Variants in COMMD10 observed in about 807,000 individuals in gnomAD.
COMMD10 encodes COMM domain-containing protein 10.
Under a neutral mutation model 28.9 loss-of-function variants are expected in COMMD10, and 33 were observed. The observed-to-expected ratio is 1.14, with a 90% CI of 0.87 to 1.53. The LOEUF (loss-of-function observed/expected upper bound fraction) is 1.53. COMMD10 is among the 40% of genes most tolerant of loss of function. The pLI is 0.00. For missense variants in COMMD10, 310 were observed against 233.4 expected, an observed-to-expected ratio of 1.33 and a Z score of -2.14; for synonymous variants, 110 against 81.7, an observed-to-expected ratio of 1.35 and a Z score of -1.87.
chr5:116,194,961 T>C (rs578159076), intron 5 of COMMD10, among the ~76,000 whole-genome samples: 1 of 152,218 alleles, frequency 6.6e-6, no homozygotes, highest in East Asian at 1.9e-4. Flanking sequence ...AAAAAGATAA[T>C]CCACTATGAT....
intron 4 of COMMD10, among the ~76,000 whole-genome samples, chr5:116,127,368 C>T (rs1021932130): frequency 1.6e-4 from 25 of 152,262 alleles, no homozygotes; most frequent in Admixed American, 5.2e-4. Context: ...GACAGTGTGG[C>T]GATTCCTCAA....
intron 5 of COMMD10, among the ~76,000 whole-genome samples, chr5:116,158,951 G>A (rs775676210): frequency 1.3e-4 from 19 of 151,908 alleles, no homozygotes; most frequent in Non-Finnish European, 2.6e-4. Context: ...TTGTCACAGG[G>A]ACTAGAGGGT....
At position 116,229,477 on chromosome 5, in the gene COMMD10, A is replaced by G. The variant is rs1219963993; in HGVS notation, c.511-62040A>G. 2.0e-5 allele frequency among the ~76,000 whole-genome samples: 3 copies of G among 152,004 alleles called. 1 individual carries two copies. Among genetic ancestry groups the G allele is most frequent in the Admixed American group, 6.6e-5 (1 of 15,232 alleles). Reference sequence around the variant, plus strand: ...AGCACTGTAGCATTACCTCTATTCAACTGTGCTTCAGAGAAAAGAAGTGGC... The same window carrying G: ...AGCACTGTAGCATTACCTCTATTCAGCTGTGCTTCAGAGAAAAGAAGTGGC... On this transcript the variant is annotated intron_variant, in intron 5 of 6. Transcript: ENST00000274458.
Position 116,241,699 on chromosome 5 carries a change from G to A in COMMD10, c.511-49818G>A, listed in dbSNP as rs190549319. Among the ~76,000 whole-genome samples the A allele has an allele frequency of 8.0e-3, 1,222 of 151,870 alleles. 21 individuals carry two copies. The highest frequency in any genetic ancestry group is 0.028 in the African/African-American group (1,141 of 41,428). Reference sequence around the variant, plus strand: ...GCAATCTCAGCTCACTGAATGCTCCGCCTCCCGGGTTCTCGCCATTCTTCT... The same window carrying A: ...GCAATCTCAGCTCACTGAATGCTCCACCTCCCGGGTTCTCGCCATTCTTCT... On this transcript the variant is annotated intron_variant, in intron 5 of 6. Coordinates refer to ENST00000274458, the MANE Select transcript of COMMD10 (RefSeq NM_016144.4).
chr5:116,199,154 A>G (rs1277136727), intron 5 of COMMD10, among the ~76,000 whole-genome samples: 1 of 152,124 alleles, frequency 6.6e-6, no homozygotes, highest in African/African-American at 2.4e-5. Flanking sequence ...TGGCCATTTT[A>G]GTAAGTGTGT....
intron 5 of COMMD10, among the ~76,000 whole-genome samples, chr5:116,219,765 A>G (rs559936100): frequency 6.6e-6 from 1 of 152,344 alleles, no homozygotes; most frequent in South Asian, 2.1e-4. Flanking sequence ...GCTGCTGAAA[A>G]TACCAAATAC....
chr5:116,202,844 C>T (rs879354334), intron 5 of COMMD10, among the ~76,000 whole-genome samples: 83 of 151,846 alleles, frequency 5.5e-4, no homozygotes, highest in Non-Finnish European at 8.1e-4. Context: ...GTTTCCTGTT[C>T]ACTCCGATGG....
chr5:116,216,457 T>C (rs1045648036), intron 5 of COMMD10, among the ~76,000 whole-genome samples: 6 of 152,222 alleles, frequency 3.9e-5, no homozygotes, highest in Admixed American at 6.5e-5. Flanking sequence ...TCCCATATTT[T>C]CACTAGAACT....
At chr5:116,126,540 G>A (rs560792980) in intron 4 of COMMD10, among the ~76,000 whole-genome samples, 10 of 152,024 alleles carry the variant, frequency 6.6e-5, no homozygotes, top group South Asian at 2.1e-4. Context: ...CAAGGCTACA[G>A]TAACCAAAAC....
At chr5:116,258,670 CA>C (rs1254028359) in intron 5 of COMMD10, among the ~76,000 whole-genome samples, 1 of 151,710 alleles carries the variant, frequency 6.6e-6, no homozygotes, top group African/African-American at 2.4e-5. Flanking sequence ...TTTCTGATAT[CA>C]ATATAATTTT....
intron 5 of COMMD10, among the ~76,000 whole-genome samples, chr5:116,156,268 G>C (rs1057197804): frequency 6.6e-6 from 1 of 152,166 alleles, no homozygotes; most frequent in African/African-American, 2.4e-5. Flanking sequence ...TTATCACACT[G>C]TCTTGACACT....
At chr5:116,136,095 C>A (rs911150366) in intron 5 of COMMD10, among the ~76,000 whole-genome samples, 2 of 152,088 alleles carry the variant, frequency 1.3e-5, no homozygotes, top group Non-Finnish European at 2.9e-5. Flanking sequence ...GAAATCAATC[C>A]ATTTGTTTTA....
chr5:116,130,348 C>G (rs943450713), intron 4 of COMMD10, among the ~76,000 whole-genome samples: 1 of 151,808 alleles, frequency 6.6e-6, no homozygotes, highest in African/African-American at 2.4e-5. Context: ...GCAAAAAGCC[C>G]TAAGAAAATA....
intron 4 of COMMD10, among the ~76,000 whole-genome samples, chr5:116,108,911 C>T (rs1012868079): frequency 6.6e-6 from 1 of 152,088 alleles, no homozygotes; most frequent in African/African-American, 2.4e-5. Context: ...CCGTTCCTCT[C>T]GGTACAGTCT....
chr5:116,265,784 G>A (rs1239881031), intron 5 of COMMD10, among the ~76,000 whole-genome samples: 1 of 151,662 alleles, frequency 6.6e-6, no homozygotes, highest in African/African-American at 2.4e-5. Context: ...TTTGCTCAAG[G>A]TCACACAGCC....
chr5:116,102,879 C>G (rs1750712047), intron 4 of COMMD10, among the ~76,000 whole-genome samples: 1 of 151,948 alleles, frequency 6.6e-6, no homozygotes, highest in African/African-American at 2.4e-5. Context: ...CATGTGTTCT[C>G]ATTGTTCAGC....
chr5:116,257,461 A>C (rs1750319515), intron 5 of COMMD10, among the ~76,000 whole-genome samples: 1 of 151,770 alleles, frequency 6.6e-6, no homozygotes. Context: ...TTTTCATATG[A>C]AATTTATGAA....
intron 4 of COMMD10, among the ~76,000 whole-genome samples, chr5:116,110,749 A>C (rs1167064672): frequency 6.6e-6 from 1 of 152,194 alleles, no homozygotes; most frequent in Non-Finnish European, 1.5e-5. Context: ...CAATCATAGC[A>C]AAAGGTGAAG....
At chr5:116,191,265 A>G (rs1310509581) in intron 5 of COMMD10, among the ~76,000 whole-genome samples, 2 of 152,102 alleles carry the variant, frequency 1.3e-5, no homozygotes, top group Non-Finnish European at 2.9e-5. Flanking sequence ...TGAACTTTGT[A>G]ACAATTTGAA....
Sources: allele counts gnomAD v4.1 joint callset (sites outside exome capture counted in the v4.1 genomes callset), GRCh38; gene constraint gnomAD v4.1.1; transcripts MANE v1.5; gene names NCBI Gene and HGNC (gene_info 2026-07-23, HGNC 2026-07-21).